LEF1: variants seen among roughly 807,000 people sequenced by gnomAD.
LEF1 encodes lymphoid enhancer binding factor 1, also known as lymphoid enhancer-binding factor 1.
A neutral mutation model predicts 51.2 loss-of-function variants in LEF1; 14 were observed. The ratio of observed to expected loss-of-function variants is 0.27; its 90% CI spans 0.18 to 0.43. The LOEUF is 0.43. Ranked by LOEUF, LEF1 falls within the 20% of genes least tolerant of loss-of-function variation. The probability of loss-of-function intolerance (pLI) is 1.00; values close to 1 mark genes in which losing one functional copy is unlikely to be tolerated. For missense variants in LEF1, 386 were observed against 512.0 expected (o/e 0.75, Z 2.37); for synonymous variants, 185 against 183.2 (o/e 1.01, Z -0.08).
At position 108,108,873 on chromosome 4, in the gene LEF1, G is replaced by C. The variant is rs554899721; in HGVS notation, c.415-19616C>G. ...CCTCTTAATTACATTAAAAAGATCT[G>C]GACTGAAGATCGTACAAATAGAGTT... On this transcript the variant is annotated intron_variant, in intron 3 of 11. Transcript: ENST00000265165. 1.1e-4 allele frequency among the ~76,000 whole-genome samples: 17 copies of C among 152,196 alleles called. No homozygotes were observed. The South Asian group carries it at 3.3e-3, about 30-fold the overall frequency.
chr4:108,087,977 G>T (rs548357390), intron 4 of LEF1, among the ~76,000 whole-genome samples: 1 of 152,288 alleles, frequency 6.6e-6, no homozygotes, highest in South Asian at 2.1e-4. Context: ...AAGCAGGGTG[G>T]AGGAAGGACA....
chr4:108,151,465 T>C (rs1475092143), intron 3 of LEF1, among the ~76,000 whole-genome samples: 1 of 152,156 alleles, frequency 6.6e-6, no homozygotes, highest in Non-Finnish European at 1.5e-5. Context: ...GAAAGTACCC[T>C]GCTGTGAGAG....
chr4:108,141,462 C>T lies in LEF1; in HGVS notation c.414+22106G>A, dbSNP rs77940513. On this transcript the variant is annotated intron_variant, in intron 3 of 11. Transcript: ENST00000265165. ...CGGGACTCCAGTGTTCTCTGCTCCCCGTCTTCACACAGTCACTCAGGTAAC... is the reference window on the plus strand; with the variant it reads ...CGGGACTCCAGTGTTCTCTGCTCCCTGTCTTCACACAGTCACTCAGGTAAC... 8.0e-3 allele frequency among the ~76,000 whole-genome samples: 1,219 copies of T among 152,286 alleles called. 12 individuals carry two copies. The highest frequency in any genetic ancestry group is 0.028 in the African/African-American group (1,154 of 41,536).
At chr4:108,092,005 T>C (rs1740056227) in intron 3 of LEF1, among the ~76,000 whole-genome samples, 1 of 152,226 alleles carries the variant, frequency 6.6e-6, no homozygotes, top group South Asian at 2.1e-4. Context: ...CTTCTGGATA[T>C]ATTCTTTCTT....
At chr4:108,061,613 T>A (rs1456917953) in intron 11 of LEF1, among the ~76,000 whole-genome samples, 1 of 148,686 alleles carries the variant, frequency 6.7e-6, no homozygotes, top group East Asian at 2.0e-4. Flanking sequence ...CATTCCTAAG[T>A]GTTCAGTAAT....
Position 108,099,594 on chromosome 4 carries a change from A to G in LEF1, c.415-10337T>C, listed in dbSNP as rs1188182482. Among the ~76,000 whole-genome samples, 575 of 127,544 alleles carry G rather than the reference A, an allele frequency of 4.5e-3. 25 individuals carry two copies. Among genetic ancestry groups the G allele is most frequent in the African/African-American group, 9.8e-3 (347 of 35,234 alleles). 83.7% of individuals were successfully genotyped at this position (127,544 alleles called of 152,430 possible). ...TGTATATATATATATATATATATAT[A>G]TATATATATATATATATATATATAA... On this transcript the variant is annotated intron_variant, in intron 3 of 11. Transcript: ENST00000265165.
rs186491443 is a variant in LEF1 at position 108,054,579 on chromosome 4, G to A, written c.*7-5828C>T. Among the ~76,000 whole-genome samples, 76 of 152,350 alleles carry A rather than the reference G, an allele frequency of 5.0e-4. 1 individual carries two copies. The East Asian group carries it at 9.5e-3, about 19-fold the overall frequency. On this transcript the variant is annotated intron_variant, in intron 11 of 11. Transcript: ENST00000265165. ...GGAATGTGGCAGGTGGTCCATACAGGTTGGGACCATTTCTGCTGTTCCAAC... is the reference window on the plus strand; with the variant it reads ...GGAATGTGGCAGGTGGTCCATACAGATTGGGACCATTTCTGCTGTTCCAAC...
intron 11 of LEF1, among the ~76,000 whole-genome samples, chr4:108,053,431 CT>C (rs1173259241): frequency 6.6e-6 from 1 of 152,182 alleles, no homozygotes; most frequent in African/African-American, 2.4e-5. Context: ...AACCACAAAG[CT>C]CTAAAGCAAA....
intron 11 of LEF1, among the ~76,000 whole-genome samples, chr4:108,060,406 G>C (rs1737595680): frequency 6.6e-6 from 1 of 152,198 alleles, no homozygotes. Context: ...AGGGATCTCA[G>C]AGGACGCTGG....
intron 3 of LEF1, among the ~76,000 whole-genome samples, chr4:108,134,377 A>C (rs765345646): frequency 1.1e-4 from 17 of 152,168 alleles, no homozygotes; most frequent in Non-Finnish European, 2.2e-4. Flanking sequence ...TTATCAACTG[A>C]CAAATTAACC....
In LEF1 at chr4:108,070,713, T is replaced by C; in HGVS notation, c.1066A>G (p.Arg356Gly). Residue 356 changes from arginine (R) to glycine (G), a missense_variant, in exon 9 of 12, where the codon AGA (arginine) becomes GGA (glycine). Arg to Gly is a moderately radical substitution (Grantham distance 125, BLOSUM62 -2). Around this residue, in one of 2 missense-constraint regions of LEF1, gnomAD observed 51 missense variants for 121.3 expected, o/e 0.42. Transcript: ENST00000265165. ...GGATAAAGCTGCATATGTAGCTGTC[T>C]TTCTTTCCGTGCTAATTCATAATAT... ...AKYYELARKE[R>G]QLHMQLYPGW... The C allele has an allele frequency of 6.2e-7, 1 of 1,614,132 alleles. No individual in the cohort carries two copies. Among genetic ancestry groups the C allele is most frequent in the Non-Finnish European group, 8.5e-7 (1 of 1,179,982 alleles).
At chr4:108,092,939 A>AAAAAAAAAAAAAAAAAAAAAAAAAAC (rs1553952202) in intron 3 of LEF1, among the ~76,000 whole-genome samples, 14 of 90,702 alleles carry the variant, frequency 1.5e-4, no homozygotes, top group Middle Eastern at 9.1e-3. Context: ...AAAAAAAAAA[A>AAAAAAAAAAAAAAAAAAAAAAAAAAC]AAAAAAAAAA....
intron 3 of LEF1, among the ~76,000 whole-genome samples, chr4:108,125,166 T>A (rs966842841): frequency 1.3e-5 from 2 of 152,164 alleles, no homozygotes; most frequent in Non-Finnish European, 1.5e-5. Flanking sequence ...TTATTTATTT[T>A]TATTTATTTA....
intron 3 of LEF1, among the ~76,000 whole-genome samples, chr4:108,124,075 G>T (rs889678599): frequency 6.6e-6 from 1 of 152,156 alleles, no homozygotes; most frequent in Admixed American, 6.5e-5. Flanking sequence ...TTGAGCCCAG[G>T]AGGTTGAGGC....
chr4:108,157,326 G>C (rs1223793104), intron 3 of LEF1, among the ~76,000 whole-genome samples: 4 of 151,976 alleles, frequency 2.6e-5, no homozygotes, highest in Non-Finnish European at 5.9e-5. Flanking sequence ...TCAGCCTCCT[G>C]AGTAGCTTGG....
At chr4:108,131,011 T>C (rs1443514248) in intron 3 of LEF1, among the ~76,000 whole-genome samples, 6 of 152,172 alleles carry the variant, frequency 3.9e-5, no homozygotes, top group African/African-American at 1.2e-4. Flanking sequence ...AGGTTATTTT[T>C]TATTTATCTT....
At chr4:108,079,748 ATAAAT>A (rs1307332331) in intron 6 of LEF1, 134 bp from the exon 7 acceptor site, 9 of 787,572 alleles carry the variant, frequency 1.1e-5, no homozygotes, top group African/African-American at 3.6e-5. Flanking sequence ...AGCATTAACT[ATAAAT>A]TAGAGTGGGC....
chr4:108,167,558 G>C lies in LEF1; in HGVS notation c.210C>G (p.His70Gln). The change falls in exon 1 of 12, where the codon CAC (histidine) becomes CAG (glutamine). Residue 70 changes from histidine to glutamine, a missense_variant. His to Gln is a conservative substitution (Grantham distance 24). Transcript: ENST00000265165. The surrounding 1 kb of genome is among the most constrained non-coding windows in gnomAD (Gnocchi z 5.7). Reference protein sequence around the residue: ...ESEIIPASNGHEVARQAQTSQ... With the variant: ...ESEIIPASNGQEVARQAQTSQ... ...ACTGGGGCAGCGGCCCGCTCACCTC[G>C]TGTCCGTTGCTGGCCGGGATGATTT... is the stretch of plus-strand genomic sequence containing the variant. The C allele has an allele frequency of 1.2e-6, 2 of 1,614,034 alleles. No individual in the cohort carries two copies. The highest frequency in any genetic ancestry group is 1.1e-5 in the South Asian group (1 of 91,078).
chr4:108,167,110 C>A lies in LEF1; in HGVS notation c.213+445G>T, dbSNP rs1399089628. On this transcript the variant is annotated intron_variant, in intron 1 of 11. Coordinates refer to ENST00000265165, the MANE Select transcript of LEF1 (RefSeq NM_016269.5). This position sits in a 1 kb window ranked among gnomAD's most constrained non-coding sequence, Gnocchi z 5.7. ...TCCACCTAAGCCTTTGGTGGTTTAA[C>A]GCACTTTTGCAGAGACATCTACCAA... Among the ~76,000 whole-genome samples the A allele has an allele frequency of 6.6e-6, 1 of 152,174 alleles. No homozygotes were observed. The highest frequency in any genetic ancestry group is 1.5e-5 in the Non-Finnish European group (1 of 68,032).
Sources: allele counts gnomAD v4.1 joint callset (sites outside exome capture counted in the v4.1 genomes callset), GRCh38; gene constraint gnomAD v4.1.1; regional missense constraint gnomAD v4.1.1; non-coding constraint Gnocchi (gnomAD v3.1); transcripts MANE v1.5; gene names NCBI Gene and HGNC (gene_info 2026-07-23, HGNC 2026-07-21).